Variants in PRKCE observed in about 807,000 individuals in gnomAD.
PRKCE encodes protein kinase C epsilon type.
A neutral mutation model predicts 85.4 loss-of-function variants in PRKCE; 16 were observed. That is an observed-to-expected ratio of 0.19 (90% confidence interval 0.13 to 0.28). The LOEUF is 0.28. PRKCE is among the 10% of genes least tolerant of loss of function. PRKCE has a pLI of 1.00. For synonymous variants in PRKCE, 388 were observed against 371.5 expected, an observed-to-expected ratio of 1.04 and a Z score of -0.51; for missense variants, 573 against 975.2, an observed-to-expected ratio of 0.59 and a Z score of 5.49.
intron 9 of PRKCE, among the ~76,000 whole-genome samples, chr2:46,009,663 G>A (rs1705493872): frequency 1.3e-5 from 2 of 152,158 alleles, no homozygotes; most frequent in South Asian, 4.1e-4. Flanking sequence ...TCTTACAAAT[G>A]TAATCCAAGA....
At chr2:45,932,638 A>C (rs1432990649) in intron 2 of PRKCE, among the ~76,000 whole-genome samples, 1 of 152,136 alleles carries the variant, frequency 6.6e-6, no homozygotes, top group Admixed American at 6.5e-5. Context: ...TTGTGGTAAA[A>C]TATACAAAAC....
At chr2:45,794,853 C>CCG (rs1467926851) in intron 1 of PRKCE, among the ~76,000 whole-genome samples, 50 of 151,170 alleles carry the variant, frequency 3.3e-4, no homozygotes, top group Non-Finnish European at 6.5e-4. Flanking sequence ...CTACCCCCCC[C>CCG]CCCATCCACC....
chr2:45,841,872 G>A (rs756145367), intron 1 of PRKCE, among the ~76,000 whole-genome samples: 2 of 152,214 alleles, frequency 1.3e-5, no homozygotes, highest in African/African-American at 2.4e-5. Flanking sequence ...CTTGCTAAAT[G>A]CTTGCCTGCT....
At chr2:45,878,303 A>T (rs183766211) in intron 2 of PRKCE, among the ~76,000 whole-genome samples, 6 of 152,214 alleles carry the variant, frequency 3.9e-5, no homozygotes, top group African/African-American at 1.4e-4. Context: ...TAGTGTTTGC[A>T]TCTGCTTAGG....
At chr2:46,104,242 C>A (rs1671500315) in intron 11 of PRKCE, among the ~76,000 whole-genome samples, 1 of 150,028 alleles carries the variant, frequency 6.7e-6, no homozygotes, top group African/African-American at 2.5e-5. Flanking sequence ...GATGTGATGT[C>A]TATTAGCTCT....
chr2:45,980,773 G>T (rs1199822468), intron 5 of PRKCE, among the ~76,000 whole-genome samples: 2 of 152,186 alleles, frequency 1.3e-5, no homozygotes, highest in East Asian at 3.9e-4. Flanking sequence ...GCTGATGGGG[G>T]AGTGGTGTGG....
chr2:46,045,879 A>T (rs921228048), intron 10 of PRKCE, among the ~76,000 whole-genome samples: 2 of 122,338 alleles, frequency 1.6e-5, no homozygotes, highest in South Asian at 2.4e-4. Context: ...TGTCTCAAAT[A>T]AAAAAAAAAG....
At chr2:46,176,439 A>T (rs1002978599) in intron 14 of PRKCE, among the ~76,000 whole-genome samples, 1 of 152,234 alleles carries the variant, frequency 6.6e-6, no homozygotes, top group South Asian at 2.1e-4. Flanking sequence ...ATACCAAGTG[A>T]TAGGAGAAAG....
At chr2:45,859,085 TAAATAAAA>T (rs1692933771) in intron 2 of PRKCE, among the ~76,000 whole-genome samples, 1 of 122,300 alleles carries the variant, frequency 8.2e-6, no homozygotes, top group Admixed American at 8.3e-5. Context: ...AATAAATAAA[TAAATAAAA>T]TAGTATCATC....
intron 1 of PRKCE, among the ~76,000 whole-genome samples, chr2:45,695,059 G>T (rs975474215): frequency 3.3e-5 from 5 of 152,138 alleles, no homozygotes; most frequent in Non-Finnish European, 7.3e-5. Flanking sequence ...CATACAAGGT[G>T]GCAGTTCCTT....
At chr2:45,850,939 G>C (rs772872408) in intron 2 of PRKCE, among the ~76,000 whole-genome samples, 1 of 152,208 alleles carries the variant, frequency 6.6e-6, no homozygotes, top group Non-Finnish European at 1.5e-5. Context: ...AGTGCCTGCT[G>C]TCAGGAAGCT....
At chr2:45,717,971 C>G (rs894207268) in intron 1 of PRKCE, among the ~76,000 whole-genome samples, 1 of 152,302 alleles carries the variant, frequency 6.6e-6, no homozygotes, top group East Asian at 1.9e-4. Flanking sequence ...GATGGGCCCC[C>G]TCAAGAAGCT....
At chr2:46,036,853 A>G (rs530317922) in intron 10 of PRKCE, among the ~76,000 whole-genome samples, 1 of 152,320 alleles carries the variant, frequency 6.6e-6, no homozygotes, top group East Asian at 1.9e-4. Context: ...AAGATAATGC[A>G]GAAGAGAGAT....
At chr2:45,838,497 AGTACCACAC>A (rs1163154390) in intron 1 of PRKCE, among the ~76,000 whole-genome samples, 10 of 152,178 alleles carry the variant, frequency 6.6e-5, no homozygotes, top group African/African-American at 2.2e-4. Flanking sequence ...TTCTTTCATG[AGTACCACAC>A]GTCCTCCCGA....
intron 11 of PRKCE, among the ~76,000 whole-genome samples, chr2:46,092,858 G>T (rs961333600): frequency 6.6e-6 from 1 of 152,208 alleles, no homozygotes; most frequent in Non-Finnish European, 1.5e-5. Flanking sequence ...CACAGTTAGG[G>T]ATTTGCTGAC....
intron 1 of PRKCE, among the ~76,000 whole-genome samples, chr2:45,718,478 G>A (rs1332640902): frequency 6.6e-6 from 1 of 151,454 alleles, no homozygotes; most frequent in African/African-American, 2.4e-5. Context: ...CTGAGTAGCT[G>A]GGATGACAGG....
At chr2:45,761,015 A>T (rs1365146094) in intron 1 of PRKCE, among the ~76,000 whole-genome samples, 1 of 152,104 alleles carries the variant, frequency 6.6e-6, no homozygotes, top group African/African-American at 2.4e-5. Context: ...TGAAGTCTAG[A>T]CAGGGTGATT....
intron 11 of PRKCE, among the ~76,000 whole-genome samples, chr2:46,097,866 G>T (rs1333545887): frequency 6.6e-6 from 1 of 152,180 alleles, no homozygotes; most frequent in African/African-American, 2.4e-5. Flanking sequence ...GCCAATGACA[G>T]TTGGGGGGTG....
intron 13 of PRKCE, among the ~76,000 whole-genome samples, chr2:46,154,430 T>A (rs1407726854): frequency 2.7e-5 from 4 of 150,396 alleles, no homozygotes; most frequent in Non-Finnish European, 4.4e-5. Flanking sequence ...TGCCTTGATG[T>A]CCTCACGGCC....
Sources: allele counts gnomAD v4.1 joint callset (sites outside exome capture counted in the v4.1 genomes callset), GRCh38; gene constraint gnomAD v4.1.1; transcripts MANE v1.5; gene names NCBI Gene and HGNC (gene_info 2026-07-23, HGNC 2026-07-21).